The following ZNF804A variants were observed in gnomAD, a reference collection of about 807,000 sequenced individuals.
ZNF804A encodes the protein zinc finger protein 804A.
ZNF804A carries 2 observed loss-of-function variants against 16.5 expected under a neutral mutation model. The observed-to-expected ratio is 0.12, with a 90% CI of 0.05 to 0.38. ZNF804A has a LOEUF of 0.38. Ranked by LOEUF, ZNF804A falls within the 10% of genes least tolerant of loss-of-function variation. ZNF804A has a pLI of 0.99. For missense variants in ZNF804A, 1,473 were observed against 1,390.7 expected, an observed-to-expected ratio of 1.06 and a Z score of -0.94; for synonymous variants, 534 against 489.6, an observed-to-expected ratio of 1.09 and a Z score of -1.20.
intron 2 of ZNF804A, among the ~76,000 whole-genome samples, chr2:184,884,438 G>C (rs1439821546): frequency 6.6e-6 from 1 of 151,148 alleles, no homozygotes; most frequent in African/African-American, 2.4e-5. Flanking sequence ...CATAGAATTA[G>C]AAAAAAAACT....
intron 1 of ZNF804A, among the ~76,000 whole-genome samples, chr2:184,684,978 G>A (rs1478983085): frequency 1.3e-5 from 2 of 152,168 alleles, no homozygotes; most frequent in South Asian, 2.1e-4. Context: ...TGCTCACACC[G>A]GCTGGGCTTG....
intron 1 of ZNF804A, among the ~76,000 whole-genome samples, chr2:184,800,880 A>C (rs1258432323): frequency 1.3e-5 from 2 of 152,204 alleles, no homozygotes; most frequent in South Asian, 4.1e-4. Flanking sequence ...TAAGAGAAAG[A>C]AAATATATCT....
chr2:184,885,367 T>C (rs1297339011), intron 2 of ZNF804A, among the ~76,000 whole-genome samples: 5 of 152,188 alleles, frequency 3.3e-5, no homozygotes, highest in Admixed American at 1.3e-4. Context: ...ATAAACCTTC[T>C]ACTATAAACG....
intron 1 of ZNF804A, among the ~76,000 whole-genome samples, chr2:184,683,325 A>G (rs1384515323): frequency 6.6e-6 from 1 of 152,200 alleles, no homozygotes; most frequent in Admixed American, 6.5e-5. Context: ...ATGTCAAAAT[A>G]AACCTCTTTC....
At chr2:184,711,923 G>A (rs2105737127) in intron 1 of ZNF804A, among the ~76,000 whole-genome samples, 1 of 151,734 alleles carries the variant, frequency 6.6e-6, no homozygotes, top group South Asian at 2.1e-4. Context: ...AATGCGTCCA[G>A]TTTTGTTGTT....
intron 2 of ZNF804A, among the ~76,000 whole-genome samples, chr2:184,877,112 T>A (rs1684705204): frequency 3.3e-5 from 5 of 152,122 alleles, no homozygotes; most frequent in Admixed American, 3.3e-4. Context: ...ATATTTTTCT[T>A]ATAGTTTACA....
intron 1 of ZNF804A, among the ~76,000 whole-genome samples, chr2:184,633,688 A>G (rs1382982977): frequency 6.6e-6 from 1 of 152,204 alleles, no homozygotes; most frequent in East Asian, 1.9e-4. Flanking sequence ...ACAAAGAAAT[A>G]GAATCAAATC....
intron 1 of ZNF804A, among the ~76,000 whole-genome samples, chr2:184,741,363 A>C (rs1443639983): frequency 6.6e-6 from 1 of 152,180 alleles, no homozygotes; most frequent in Non-Finnish European, 1.5e-5. Flanking sequence ...GACTATTTGC[A>C]CAAAATATTA....
chr2:184,708,439 GAA>G (rs1412365573), intron 1 of ZNF804A, among the ~76,000 whole-genome samples: 1 of 151,970 alleles, frequency 6.6e-6, no homozygotes, highest in African/African-American at 2.4e-5. Flanking sequence ...GGTACTGGCA[GAA>G]AAAGAGACAC....
chr2:184,621,632 A>G (rs1401001110), intron 1 of ZNF804A, among the ~76,000 whole-genome samples: 1 of 151,624 alleles, frequency 6.6e-6, no homozygotes, highest in East Asian at 1.9e-4. Flanking sequence ...TTTTTTATAG[A>G]TTGTACTGTT....
chr2:184,923,107 A>G (rs1342795252), intron 2 of ZNF804A, among the ~76,000 whole-genome samples: 2 of 152,030 alleles, frequency 1.3e-5, no homozygotes, highest in African/African-American at 2.4e-5. Flanking sequence ...GTATTTTAAT[A>G]TGAATTGCAT....
chr2:184,905,917 A>G (rs1685267847), intron 2 of ZNF804A, among the ~76,000 whole-genome samples: 3 of 152,322 alleles, frequency 2.0e-5, no homozygotes, highest in Middle Eastern at 3.4e-3. Context: ...TTGCAGATTC[A>G]GTGTTCTGGA....
intron 1 of ZNF804A, among the ~76,000 whole-genome samples, chr2:184,811,196 C>G (rs937081476): frequency 3.3e-5 from 5 of 152,054 alleles, no homozygotes; most frequent in African/African-American, 9.7e-5. Flanking sequence ...TCAGCCAAGC[C>G]CATCAGGTAT....
chr2:184,615,564 G>A (rs1691305987), intron 1 of ZNF804A, among the ~76,000 whole-genome samples: 1 of 152,132 alleles, frequency 6.6e-6, no homozygotes, highest in Non-Finnish European at 1.5e-5. Flanking sequence ...TACTTGAAAT[G>A]ATGCCTCTGT....
intron 1 of ZNF804A, among the ~76,000 whole-genome samples, chr2:184,797,508 A>G (rs1694651542): frequency 6.6e-6 from 1 of 151,934 alleles, no homozygotes; most frequent in Non-Finnish European, 1.5e-5. Context: ...TTAAGTTTAT[A>G]TGAGTCTGTG....
intron 1 of ZNF804A, among the ~76,000 whole-genome samples, chr2:184,781,235 C>T (rs541390097): frequency 5.0e-4 from 76 of 151,754 alleles, no homozygotes; most frequent in Admixed American, 4.4e-3. Flanking sequence ...AGTAATTTGA[C>T]GTTTTCTGTT....
rs545405992 is a variant in ZNF804A at position 184,842,419 on chromosome 2, A to C, written c.112-23950A>C. Among the ~76,000 whole-genome samples the C allele has an allele frequency of 2.6e-4, 39 of 152,178 alleles. No individual in the cohort carries two copies. In the South Asian group the frequency reaches 7.7e-3, roughly 30 times the overall value. On this transcript the variant is annotated intron_variant, in intron 1 of 3. Transcript: ENST00000302277. ...AGTGTCATGCTTGCTTTTTGAGAAAATATTTTCTAAAAATTCACAAAGCTA... is the reference window on the plus strand; with the variant it reads ...AGTGTCATGCTTGCTTTTTGAGAAACTATTTTCTAAAAATTCACAAAGCTA...
chr2:184,798,283 G>T (rs964654477), intron 1 of ZNF804A, among the ~76,000 whole-genome samples: 1 of 151,490 alleles, frequency 6.6e-6, no homozygotes, highest in African/African-American at 2.4e-5. Flanking sequence ...TGATATCTAG[G>T]TCTCTAGCAA....
intron 1 of ZNF804A, among the ~76,000 whole-genome samples, chr2:184,637,982 A>T (rs957599634): frequency 3.3e-5 from 5 of 152,142 alleles, no homozygotes; most frequent in Non-Finnish European, 7.4e-5. Context: ...ATGGTCAGGT[A>T]TATTCTCAGT....
Sources: allele counts gnomAD v4.1 joint callset (sites outside exome capture counted in the v4.1 genomes callset), GRCh38; gene constraint gnomAD v4.1.1; transcripts MANE v1.5; gene names NCBI Gene and HGNC (gene_info 2026-07-23, HGNC 2026-07-21).